Variants in LRP5 observed in about 807,000 individuals in gnomAD.
The protein encoded by LRP5 is low-density lipoprotein receptor-related protein 5.
Under a neutral mutation model 154.1 loss-of-function variants are expected in LRP5, and 62 were observed. The ratio of observed to expected loss-of-function variants is 0.40; its 90% CI spans 0.33 to 0.50. The LOEUF (loss-of-function observed/expected upper bound fraction) is 0.50. Among genes scored for constraint, LRP5 ranks in the 20% least tolerant of loss-of-function variants. The pLI, the probability that LRP5 is intolerant of heterozygous loss-of-function variation, is 0.55. For synonymous variants in LRP5, 966 were observed against 1,011.5 expected, an observed-to-expected ratio of 0.96 and a Z score of 0.85; for missense variants, 1,915 against 2,336.7, an observed-to-expected ratio of 0.82 and a Z score of 3.72.
chr11:68,325,682 C>T (rs1211466399), intron 1 of LRP5, among the ~76,000 whole-genome samples: 1 of 152,134 alleles, frequency 6.6e-6, no homozygotes, highest in African/African-American at 2.4e-5. Context: ...TGCGTGTATG[C>T]GCAGCCTCCA....
intron 7 of LRP5, among the ~76,000 whole-genome samples, chr11:68,398,383 G>A (rs2098650736): frequency 6.6e-6 from 1 of 152,242 alleles, no homozygotes; most frequent in African/African-American, 2.4e-5. Flanking sequence ...TGGTCAGGGG[G>A]GCGTGCGCCT....
At chr11:68,412,130 G>C (rs1370401526) in intron 11 of LRP5, among the ~76,000 whole-genome samples, 1 of 152,138 alleles carries the variant, frequency 6.6e-6, no homozygotes, top group Non-Finnish European at 1.5e-5. Flanking sequence ...CCTTTTTCCA[G>C]ATCATGAGAA....
intron 7 of LRP5, among the ~76,000 whole-genome samples, chr11:68,402,034 G>A (rs755314522): frequency 4.1e-4 from 62 of 152,146 alleles, no homozygotes; most frequent in Non-Finnish European, 7.6e-4. Flanking sequence ...ACAGATGACC[G>A]AAGTCTTTGT....
intron 15 of LRP5, among the ~76,000 whole-genome samples, chr11:68,425,774 C>T (rs1340777519): frequency 6.6e-6 from 1 of 151,820 alleles, no homozygotes; most frequent in Admixed American, 6.6e-5. Context: ...ATCCCGAGCC[C>T]AGCCCAGGTG....
intron 7 of LRP5, among the ~76,000 whole-genome samples, chr11:68,399,068 T>G (rs1234747918): frequency 6.6e-6 from 1 of 152,106 alleles, no homozygotes; most frequent in Non-Finnish European, 1.5e-5. Flanking sequence ...AGTGTGTGCC[T>G]CTAGCGATTT....
chr11:68,376,625 G>T (rs1229221745), intron 5 of LRP5, among the ~76,000 whole-genome samples: 1 of 152,236 alleles, frequency 6.6e-6, no homozygotes, highest in Non-Finnish European at 1.5e-5. Flanking sequence ...TGTATACCGG[G>T]GTGGCCTTGC....
chr11:68,443,000 C>T (rs552033711), intron 21 of LRP5, among the ~76,000 whole-genome samples: 14 of 152,306 alleles, frequency 9.2e-5, no homozygotes, highest in South Asian at 8.3e-4. Context: ...TCTCCTGCTG[C>T]GGTTGAACCT....
intron 21 of LRP5, 106 bp downstream of exon 21, chr11:68,440,022 C>T (rs1409801001): frequency 5.8e-6 from 6 of 1,026,496 alleles, no homozygotes; most frequent in African/African-American, 1.6e-5. Flanking sequence ...GGCTGTGCCA[C>T]CGCCTCTGAG....
chr11:68,439,286 T>A (rs894328024), intron 20 of LRP5, among the ~76,000 whole-genome samples: 1 of 152,230 alleles, frequency 6.6e-6, no homozygotes, highest in Non-Finnish European at 1.5e-5. Flanking sequence ...TGCCTCTGCC[T>A]GCCCAGCCCT....
chr11:68,312,852 G>A, intron 1 of LRP5, 47 bp downstream of exon 1: 1 of 959,210 alleles, frequency 1.0e-6, no homozygotes, highest in Non-Finnish European at 1.2e-6. Flanking sequence ...CTCGGACAAT[G>A]GCCCGGGCGG....
intron 3 of LRP5, among the ~76,000 whole-genome samples, chr11:68,361,192 C>A (rs2098627819): frequency 6.8e-6 from 1 of 147,830 alleles, no homozygotes; most frequent in Non-Finnish European, 1.5e-5. Flanking sequence ...GTAGTCCCAG[C>A]TACTCGGGAG....
chr11:68,417,640 G>A (rs1388238067), intron 13 of LRP5, among the ~76,000 whole-genome samples: 1 of 151,002 alleles, frequency 6.6e-6, no homozygotes. Context: ...TTGCATTTTT[G>A]AAACAACTGC....
At chr11:68,415,472 A>G (rs1211560) in intron 12 of LRP5, among the ~76,000 whole-genome samples, 127,277 of 152,108 alleles carry the variant, frequency 0.84, 54,695 homozygotes, top group East Asian at 0.98. Context: ...TGGGCTGGAC[A>G]CGGTGGCTCA....
At chr11:68,366,550 G>A (rs931560217) in intron 5 of LRP5, among the ~76,000 whole-genome samples, 1 of 152,170 alleles carries the variant, frequency 6.6e-6, no homozygotes, top group African/African-American at 2.4e-5. Flanking sequence ...GTGTGTGTGT[G>A]GTCGTGGCGC....
chr11:68,339,424 T>C (rs1306406229), intron 1 of LRP5, among the ~76,000 whole-genome samples: 1 of 152,194 alleles, frequency 6.6e-6, no homozygotes, highest in African/African-American at 2.4e-5. Flanking sequence ...CTCAGCTCAC[T>C]GCAACCTCTG....
chr11:68,429,854 A>G (rs540633279), intron 17 of LRP5, among the ~76,000 whole-genome samples, 154 bp downstream of exon 17: 2 of 152,156 alleles, frequency 1.3e-5, no homozygotes, highest in Admixed American at 1.3e-4. Flanking sequence ...TTTCTTTTCT[A>G]CTATGTGCAT....
chr11:68,345,171 T>C (rs1422913307), intron 1 of LRP5, among the ~76,000 whole-genome samples: 1 of 149,892 alleles, frequency 6.7e-6, no homozygotes, highest in Non-Finnish European at 1.5e-5. Context: ...CCAGAATCTT[T>C]TTCCTTTTTG....
rs749972187 is a variant in LRP5, at chr11:68,411,516, T to C, written c.2399T>C (p.Val800Ala). Reference protein sequence around the residue: ...FMDGTNCMTLVDKVGRANDLT... With the variant: ...FMDGTNCMTLADKVGRANDLT... ...GACGGGACCAACTGCATGACGCTGG[T>C]GGACAAGGTGGGCCGGGCCAACGAC... The change falls in exon 11 of 23, where the codon GTG becomes GCG. Residue 800 changes from valine to alanine, a missense_variant. Physicochemically the swap from Val to Ala is moderately conservative, Grantham distance 64. Around this residue, in one of 3 missense-constraint regions of LRP5, gnomAD observed 1,094 missense variants for 1,210.1 expected, o/e 0.90. Coordinates refer to ENST00000294304, the MANE Select transcript of LRP5 (RefSeq NM_002335.4). The C allele has an allele frequency of 3.0e-5, 48 of 1,613,616 alleles. No individual in the cohort carries two copies. Among genetic ancestry groups the C allele is most frequent in the Non-Finnish European group, 3.9e-5 (46 of 1,180,040 alleles).
intron 1 of LRP5, among the ~76,000 whole-genome samples, chr11:68,317,224 C>G (rs2153112457): frequency 6.6e-6 from 1 of 152,252 alleles, no homozygotes; most frequent in East Asian, 1.9e-4. Context: ...AGCCCTCAGC[C>G]TCAGTTTCCT....
Sources: allele counts gnomAD v4.1 joint callset (sites outside exome capture counted in the v4.1 genomes callset), GRCh38; gene constraint gnomAD v4.1.1; regional missense constraint gnomAD v4.1.1; transcripts MANE v1.5; gene names NCBI Gene and HGNC (gene_info 2026-07-23, HGNC 2026-07-21).